PTPRR: variants seen among roughly 807,000 people sequenced by gnomAD.
The protein encoded by PTPRR is protein tyrosine phosphatase receptor type R, also known as receptor-type tyrosine-protein phosphatase R.
A neutral mutation model predicts 77.2 loss-of-function variants in PTPRR; 38 were observed. The observed-to-expected ratio is 0.49, with a 90% CI of 0.38 to 0.65. PTPRR has a LOEUF of 0.65. Ranked by LOEUF, PTPRR falls within the 30% of genes least tolerant of loss-of-function variation. The pLI is 0.00. For synonymous variants in PTPRR, 299 were observed against 283.1 expected (o/e 1.06, Z -0.57); for missense variants, 744 against 799.2 (o/e 0.93, Z 0.83).
chr12:70,809,092 C>T (rs1891762480), intron 2 of PTPRR, among the ~76,000 whole-genome samples: 1 of 152,178 alleles, frequency 6.6e-6, no homozygotes, highest in East Asian at 1.9e-4. Context: ...GCCTTCCTTA[C>T]AGCTAGGTGT....
intron 10 of PTPRR, among the ~76,000 whole-genome samples, chr12:70,668,463 C>T (rs10506602): frequency 5.3e-5 from 8 of 152,080 alleles, no homozygotes; most frequent in Non-Finnish European, 2.9e-5. Context: ...TCCAACAGTC[C>T]AATTTCTGAG....
At chr12:70,672,532 C>A in intron 10 of PTPRR, 1 of 1,298,428 alleles carries the variant, frequency 7.7e-7, no homozygotes, top group Non-Finnish European at 1.1e-6. Context: ...GAAACAGTGG[C>A]TGCTGGGAAA....
At chr12:70,712,117 G>T (rs540812350) in intron 6 of PTPRR, among the ~76,000 whole-genome samples, 71 of 152,054 alleles carry the variant, frequency 4.7e-4, no homozygotes, top group African/African-American at 1.6e-3. Flanking sequence ...CTTCTTTTTG[G>T]CCAGTGGAGA....
intron 2 of PTPRR, among the ~76,000 whole-genome samples, chr12:70,823,530 GT>G (rs541104173): frequency 1.3e-5 from 2 of 152,102 alleles, no homozygotes; most frequent in African/African-American, 2.4e-5. Flanking sequence ...GTTACTGTGT[GT>G]TTTTTTTGTT....
rs144273558 is a variant in PTPRR, at chr12:70,684,857, A to G, written c.1280-74T>C. The G allele has an allele frequency of 1.0e-3, 1,061 of 1,018,440 alleles. 3 individuals carry two copies. The African/African-American group carries it at 0.016, about 15-fold the overall frequency. 63.1% of individuals were successfully genotyped at this position (1,018,440 alleles called of 1,614,324 possible). On this transcript the variant is annotated intron_variant, in intron 8 of 13. Transcript: ENST00000283228. ...AAAGTTCCTTAGAATGCCAATAACC[A>G]GTAAGTAGAAACCTGTTATGTATTG...
chr12:70,920,610 A>T lies in PTPRR; in HGVS notation c.-220T>A. ...GAAGAGCAGTAGGAGGTTGCGGGTAAGGGGAACAGAAGCGCTCAGAGGCGG... is the reference window on the plus strand; with the variant it reads ...GAAGAGCAGTAGGAGGTTGCGGGTATGGGGAACAGAAGCGCTCAGAGGCGG... On this transcript the variant is annotated 5_prime_UTR_variant, in exon 1 of 14. Coordinates refer to ENST00000283228, the MANE Select transcript of PTPRR (RefSeq NM_002849.4). The T allele has an allele frequency of 2.0e-6, 1 of 510,110 alleles. No homozygotes were observed. Among genetic ancestry groups the T allele is most frequent in the East Asian group, 3.5e-5 (1 of 28,574 alleles). The allele number at this position is 510,110 out of a possible 1,614,324, so 31.6% of individuals were successfully genotyped here.
intron 2 of PTPRR, among the ~76,000 whole-genome samples, chr12:70,848,473 C>A (rs1370915849): frequency 1.3e-5 from 2 of 152,070 alleles, no homozygotes; most frequent in Non-Finnish European, 2.9e-5. Context: ...TGCCACCATG[C>A]CCAGCTAATT....
At chr12:70,645,228 T>C (rs1475364749) in intron 13 of PTPRR, among the ~76,000 whole-genome samples, 1 of 152,192 alleles carries the variant, frequency 6.6e-6, no homozygotes, top group Admixed American at 6.5e-5. Context: ...AGATTCTGCC[T>C]GCAAAAAGTT....
chr12:70,750,278 A>G lies in PTPRR; in HGVS notation c.738+3913T>C, dbSNP rs1013267444. ...CAGCAATTTACCTATATAATTTTAT[A>G]ATAAAACCCATGCTTTTCATTTCTA... On this transcript the variant is annotated intron_variant, in intron 5 of 13. Transcript: ENST00000283228. Among the ~76,000 whole-genome samples, 24 of 152,232 alleles carry G rather than the reference A, an allele frequency of 1.6e-4. 1 individual carries two copies. Among genetic ancestry groups the G allele is most frequent in the Non-Finnish European group, 7.3e-5 (5 of 68,034 alleles).
At chr12:70,727,639 C>T (rs1467019410) in intron 6 of PTPRR, among the ~76,000 whole-genome samples, 2 of 152,168 alleles carry the variant, frequency 1.3e-5, no homozygotes, top group African/African-American at 2.4e-5. Context: ...CTAAAGATGT[C>T]TTGGATACAT....
intron 10 of PTPRR, among the ~76,000 whole-genome samples, chr12:70,668,073 T>G (rs2136689180): frequency 6.6e-6 from 1 of 152,250 alleles, no homozygotes; most frequent in South Asian, 2.1e-4. Flanking sequence ...AAGAGAATGG[T>G]TATAGATTTC....
intron 2 of PTPRR, among the ~76,000 whole-genome samples, chr12:70,812,565 C>T (rs1373144915): frequency 1.3e-5 from 2 of 152,130 alleles, no homozygotes; most frequent in Non-Finnish European, 2.9e-5. Context: ...ATATGATTTC[C>T]CTAACCCACG....
At chr12:70,745,037 A>G (rs1890168078) in intron 6 of PTPRR, among the ~76,000 whole-genome samples, 1 of 152,200 alleles carries the variant, frequency 6.6e-6, no homozygotes, top group Non-Finnish European at 1.5e-5. Context: ...ATACATCACA[A>G]AAAAGGTAAG....
chr12:70,764,027 T>TA (rs58177552), intron 3 of PTPRR, among the ~76,000 whole-genome samples: 8 of 149,148 alleles, frequency 5.4e-5, no homozygotes, highest in Admixed American at 2.0e-4. Flanking sequence ...TTTTTTTTTT[T>TA]ACTTTACCCA....
chr12:70,682,983 T>C (rs1887731651), intron 10 of PTPRR, among the ~76,000 whole-genome samples: 1 of 152,166 alleles, frequency 6.6e-6, no homozygotes, highest in Non-Finnish European at 1.5e-5. Context: ...TATATAACCT[T>C]ATCTACTGGC....
At chr12:70,710,157 C>T (rs12314495) in intron 6 of PTPRR, among the ~76,000 whole-genome samples, 13,122 of 152,140 alleles carry the variant, frequency 0.086, 637 homozygotes, top group Non-Finnish European at 0.12. Flanking sequence ...AACTATACTA[C>T]AGGGCTACAG....
intron 2 of PTPRR, among the ~76,000 whole-genome samples, chr12:70,796,340 C>CTTTT (rs201301485): frequency 6.6e-6 from 1 of 151,250 alleles, no homozygotes; most frequent in Admixed American, 6.6e-5. Context: ...AGAATATACA[C>CTTTT]TTTTTTTTAA....
intron 6 of PTPRR, among the ~76,000 whole-genome samples, chr12:70,704,925 T>G (rs1427058919): frequency 6.6e-6 from 1 of 152,154 alleles, no homozygotes; most frequent in East Asian, 1.9e-4. Context: ...GCCTCATGAT[T>G]GCTGTTGGAC....
intron 2 of PTPRR, among the ~76,000 whole-genome samples, chr12:70,858,789 G>C (rs1415016971): frequency 6.6e-6 from 1 of 151,960 alleles, no homozygotes; most frequent in Non-Finnish European, 1.5e-5. Context: ...TTGCTGGAGA[G>C]AATATTTAAA....
Sources: allele counts gnomAD v4.1 joint callset (sites outside exome capture counted in the v4.1 genomes callset), GRCh38; gene constraint gnomAD v4.1.1; transcripts MANE v1.5; gene names NCBI Gene and HGNC (gene_info 2026-07-23, HGNC 2026-07-21).